DMXL2: variants seen among roughly 807,000 people sequenced by gnomAD.
DMXL2 encodes the protein Dmx like 2, also known as dmX-like protein 2.
In DMXL2, 103 loss-of-function variants were observed where a neutral mutation model predicts 331.1. The observed-to-expected ratio is 0.31, with a 90% CI of 0.27 to 0.37. The LOEUF is 0.37. Among genes scored for constraint, DMXL2 ranks in the 10% least tolerant of loss-of-function variants. The pLI, the probability that DMXL2 is intolerant of heterozygous loss-of-function variation, is 1.00. For missense variants in DMXL2, 3,171 were observed against 3,642.9 expected (o/e 0.87, Z 3.33); for synonymous variants, 1,281 against 1,252.1 (o/e 1.02, Z -0.49).
At chr15:51,458,465 T>A (rs776426801) in intron 36 of DMXL2, 41 bp downstream of exon 36, 4 of 1,599,294 alleles carry the variant, frequency 2.5e-6, no homozygotes, top group South Asian at 2.2e-5. Flanking sequence ...GGTGGGTACT[T>A]CTTACAGAAA....
rs547514648 is a variant in DMXL2, at chr15:51,457,150, C to T, written c.8337+178G>A. Reference sequence around the variant, plus strand: ...TTGCACCACTGCACTCCAGCCTGCGCGACAGAGCCAGACCCTGTCACCAAA... The same window carrying T: ...TTGCACCACTGCACTCCAGCCTGCGTGACAGAGCCAGACCCTGTCACCAAA... On this transcript the variant is annotated intron_variant, in intron 37 of 43. Coordinates refer to ENST00000560891, the MANE Select transcript of DMXL2 (RefSeq NM_001378457.1). 6.1e-5 allele frequency: 41 copies of T among 674,092 alleles called. No individual in the cohort carries two copies. In the Middle Eastern group the frequency reaches 1.3e-3, roughly 21 times the overall value. 41.8% of individuals were successfully genotyped at this position (674,092 alleles called of 1,614,324 possible).
intron 23 of DMXL2, among the ~76,000 whole-genome samples, chr15:51,485,034 CAAAAAAA>C (rs35332731): frequency 2.0e-5 from 2 of 99,790 alleles, no homozygotes; most frequent in South Asian, 3.6e-4. Context: ...TCAGGCAAAC[CAAAAAAA>C]AAAAAAAAAA....
intron 9 of DMXL2, among the ~76,000 whole-genome samples, chr15:51,538,829 T>A (rs1380024856): frequency 3.3e-5 from 5 of 152,154 alleles, no homozygotes; most frequent in African/African-American, 1.2e-4. Flanking sequence ...TATGATGATA[T>A]TATGATTATG....
intron 14 of DMXL2, among the ~76,000 whole-genome samples, chr15:51,515,042 T>C (rs2140649278): frequency 6.6e-6 from 1 of 152,188 alleles, no homozygotes; most frequent in East Asian, 1.9e-4. Context: ...CCTCGAAGTA[T>C]CCCAATAGCT....
chr15:51,616,952 A>C (rs1469511745), intron 1 of DMXL2, among the ~76,000 whole-genome samples: 1 of 151,506 alleles, frequency 6.6e-6, no homozygotes, highest in Non-Finnish European at 1.5e-5. Flanking sequence ...AAAAAAAAAA[A>C]AAAAAAAACT....
chr15:51,617,672 T>C (rs970525127), intron 1 of DMXL2, among the ~76,000 whole-genome samples: 4 of 152,362 alleles, frequency 2.6e-5, no homozygotes, highest in East Asian at 1.9e-4. Context: ...GAGAAGTCCA[T>C]ATAATTTTCA....
intron 36 of DMXL2, 36 bp downstream of exon 36, chr15:51,458,470 C>CT: frequency 6.2e-7 from 1 of 1,602,142 alleles, no homozygotes; most frequent in South Asian, 1.1e-5. Flanking sequence ...GTACTTCTTA[C>CT]AGAAAACTAT....
chr15:51,549,850 C>A (rs906248580), intron 6 of DMXL2, among the ~76,000 whole-genome samples: 7 of 151,994 alleles, frequency 4.6e-5, no homozygotes, highest in African/African-American at 1.7e-4. Context: ...CTTATAGATT[C>A]TGGATATTAG....
In DMXL2 at chr15:51,622,758, T is replaced by C. The variant is rs2054745808; in HGVS notation, c.-213A>G. 2.3e-6 allele frequency: 2 copies of C among 878,228 alleles called. No individual in the cohort carries two copies. Among genetic ancestry groups the C allele is most frequent in the South Asian group, 1.8e-5 (1 of 54,814 alleles). The allele number at this position is 878,228 out of a possible 1,614,324, so 54.4% of individuals were successfully genotyped here. On this transcript the variant is annotated 5_prime_UTR_variant, in exon 1 of 44. Transcript: ENST00000560891. Reference sequence around the variant, plus strand: ...CCGCCGCCGCCGCCCGGGTCGCCGCTCAGCTGCGGAAATGCCCGGATGTTC... The same window carrying C: ...CCGCCGCCGCCGCCCGGGTCGCCGCCCAGCTGCGGAAATGCCCGGATGTTC...
intron 23 of DMXL2, among the ~76,000 whole-genome samples, chr15:51,483,520 G>T (rs2042168255): frequency 6.6e-6 from 1 of 152,164 alleles, no homozygotes; most frequent in East Asian, 1.9e-4. Flanking sequence ...ACCTGCCCTT[G>T]AGCCAGCCAA....
At chr15:51,616,741 A>G (rs896634409) in intron 1 of DMXL2, among the ~76,000 whole-genome samples, 159 of 152,192 alleles carry the variant, frequency 1.0e-3, no homozygotes, top group Non-Finnish European at 2.4e-4. Context: ...AGTTCAAGCC[A>G]GCCTGGCCAA....
Position 51,621,959 on chromosome 15 carries a change from C to G in DMXL2, c.87+500G>C, listed in dbSNP as rs143186205. 3.3e-3 allele frequency among the ~76,000 whole-genome samples: 499 copies of G among 152,314 alleles called. 4 individuals carry two copies. The highest frequency in any genetic ancestry group is 0.011 in the African/African-American group (467 of 41,570). ...AGAGTCAGGCTTAAAGCCACAGACTCCAGCAGCTCCTCGCTGCCCTAGCAC... is the reference window on the plus strand; with the variant it reads ...AGAGTCAGGCTTAAAGCCACAGACTGCAGCAGCTCCTCGCTGCCCTAGCAC... On this transcript the variant is annotated intron_variant, in intron 1 of 43. Coordinates refer to ENST00000560891, the MANE Select transcript of DMXL2 (RefSeq NM_001378457.1).
intron 1 of DMXL2, among the ~76,000 whole-genome samples, chr15:51,612,149 T>C (rs897444830): frequency 6.6e-6 from 1 of 152,212 alleles, no homozygotes; most frequent in East Asian, 1.9e-4. Flanking sequence ...AAAATGAAGA[T>C]ACTAGACTAG....
intron 20 of DMXL2, among the ~76,000 whole-genome samples, chr15:51,491,226 AG>A (rs2042771668): frequency 2.0e-5 from 3 of 152,194 alleles, no homozygotes; most frequent in South Asian, 2.1e-4. Flanking sequence ...AGATCGCCTG[AG>A]GTCAGGGATT....
rs753093141 is a variant in DMXL2, at chr15:51,537,568, G to A, written c.1537C>T (p.His513Tyr). ...ACTAGAAAGGTACCATCTACAGGGT[G>A]TATTGTAAAAAGCATATCAGGATTC... ...NKNPDMLFTI[H>Y]PVDGTFLVWH... Residue 513 changes from histidine to tyrosine, a missense_variant, in exon 11 of 44, where the codon CAC becomes TAC. By Grantham distance (83) the His-to-Tyr change is moderately conservative (BLOSUM62 2). Transcript: ENST00000560891. The A allele has an allele frequency of 1.2e-6, 2 of 1,613,840 alleles. No individual in the cohort carries two copies. The highest frequency in any genetic ancestry group is 1.1e-5 in the South Asian group (1 of 91,076).
At chr15:51,501,125 A>C (rs544780222) in intron 17 of DMXL2, among the ~76,000 whole-genome samples, 1 of 152,340 alleles carries the variant, frequency 6.6e-6, no homozygotes, top group South Asian at 2.1e-4. Context: ...AAAGATTAAC[A>C]AACTGGCCTA....
In DMXL2 at chr15:51,447,851, T is replaced by C. The variant is rs539803025; in HGVS notation, c.*1133A>G. 2 of 152,788 alleles carry C rather than the reference T, an allele frequency of 1.3e-5. No homozygotes were observed. The highest frequency in any genetic ancestry group is 3.8e-4 in the East Asian group (2 of 5,196). 9.5% of individuals were successfully genotyped at this position (152,788 alleles called of 1,614,324 possible). A position where few individuals can be genotyped will look rare whatever the true frequency, so the allele number is the denominator to read the frequency against. The stretch of plus-strand genomic sequence containing the variant: ...TATTTCACAGCCTGAACATCACATC[T>C]TCAGAGAAAGTTACTTTTATGCCAT... On this transcript the variant is annotated 3_prime_UTR_variant, in exon 44 of 44. Coordinates refer to ENST00000560891, the MANE Select transcript of DMXL2 (RefSeq NM_001378457.1).
At chr15:51,483,315 G>A (rs1197805547) in intron 23 of DMXL2, among the ~76,000 whole-genome samples, 1 of 152,174 alleles carries the variant, frequency 6.6e-6, no homozygotes, top group Non-Finnish European at 1.5e-5. Context: ...TGGGGGCCAG[G>A]AGTCACTGTA....
chr15:51,459,514 G>A, intron 34 of DMXL2, 84 bp downstream of exon 34: 2 of 1,144,276 alleles, frequency 1.7e-6, no homozygotes, highest in Non-Finnish European at 2.3e-6. Flanking sequence ...AGCCAGTTGG[G>A]CAGGTCATGG....
Sources: gnomAD v4.1 joint callset for allele counts (sites outside exome capture counted in the v4.1 genomes callset) on GRCh38, gnomAD v4.1.1 for gene constraint, MANE v1.5 for transcripts, NCBI Gene and HGNC (gene_info 2026-07-23, HGNC 2026-07-21) for gene names.